Variants in TREM1 observed in about 807,000 individuals in gnomAD.
TREM1 encodes the protein triggering receptor expressed on myeloid cells 1.
In TREM1, 16 loss-of-function variants were observed where a neutral mutation model predicts 22.4. The ratio of observed to expected loss-of-function variants is 0.71; its 90% CI spans 0.48 to 1.08. The LOEUF (loss-of-function observed/expected upper bound fraction) is 1.08, where lower values mean the gene tolerates loss of function less well. Ranked by LOEUF, TREM1 falls within the 50% of genes least tolerant of loss-of-function variation. TREM1 has a pLI of 0.00. For missense variants in TREM1, 283 were observed against 282.9 expected, an observed-to-expected ratio of 1.00 and a Z score of 0.00; for synonymous variants, 110 against 111.6, an observed-to-expected ratio of 0.99 and a Z score of 0.09.
intron 3 of TREM1, among the ~76,000 whole-genome samples, chr6:41,277,000 G>A (rs910916694): frequency 6.6e-6 from 1 of 151,936 alleles, no homozygotes; most frequent in African/African-American, 2.4e-5. Context: ...ACATGGTAAC[G>A]GTGTAGGCTT....
chr6:41,281,502 TG>T, intron 2 of TREM1: 1 of 271,148 alleles, frequency 3.7e-6, no homozygotes, highest in Non-Finnish European at 7.0e-6. Context: ...CACCAATTCT[TG>T]TGCCCCAACC....
At chr6:41,286,098 G>A (rs1014622923) in intron 1 of TREM1, among the ~76,000 whole-genome samples, 3 of 152,156 alleles carry the variant, frequency 2.0e-5, no homozygotes, top group South Asian at 2.1e-4. Flanking sequence ...CAACCCCAGC[G>A]TGCCATGGAG....
At chr6:41,283,938 T>C (rs545091134) in intron 1 of TREM1, among the ~76,000 whole-genome samples, 6 of 151,352 alleles carry the variant, frequency 4.0e-5, no homozygotes, top group African/African-American at 1.5e-4. Flanking sequence ...TGCCCGAGAA[T>C]GGCTAAACAG....
Position 41,276,025 on chromosome 6 carries a change from G to A in TREM1, c.*100C>T, listed in dbSNP as rs147002802. On this transcript the variant is annotated 3_prime_UTR_variant, in exon 4 of 4. Coordinates refer to ENST00000244709, the MANE Select transcript of TREM1 (RefSeq NM_018643.5). Reference sequence around the variant, plus strand: ...GCCGGTGATTACAGATTTAATTCATGTTATTAACTCCCTGCCTTTTACCTC... The same window carrying A: ...GCCGGTGATTACAGATTTAATTCATATTATTAACTCCCTGCCTTTTACCTC... 4.4e-4 allele frequency: 376 copies of A among 849,512 alleles called. No homozygotes were observed. The highest frequency in any genetic ancestry group is 6.9e-4 in the Non-Finnish European group (343 of 499,968). The allele number at this position is 849,512 out of a possible 1,614,324, so 52.6% of individuals were successfully genotyped here. A position where few individuals can be genotyped will look rare whatever the true frequency, so the allele number is the denominator to read the frequency against.
intron 3 of TREM1, chr6:41,279,513 G>C (rs1420421867): frequency 1.0e-6 from 1 of 983,060 alleles, no homozygotes; most frequent in Non-Finnish European, 1.2e-6. Flanking sequence ...TGAAAGTAGA[G>C]GAAAAAAAAA....
In TREM1 at chr6:41,275,184, C is replaced by G. The variant is rs1299164501; in HGVS notation, c.*941G>C. ...GAGGAGGGCAGAGTGGGGAACTAGG[C>G]AAGCACATGGGGACAGCCTCCAGAA... On this transcript the variant is annotated 3_prime_UTR_variant, in exon 4 of 4. Transcript: ENST00000244709. 2.6e-5 allele frequency: 4 copies of G among 152,388 alleles called. No individual in the cohort carries two copies. The highest frequency in any genetic ancestry group is 5.9e-5 in the Non-Finnish European group (4 of 68,284). The allele number at this position is 152,388 out of a possible 1,614,324, so 9.4% of individuals were successfully genotyped here. A position where few individuals can be genotyped will look rare whatever the true frequency, so the allele number is the denominator to read the frequency against.
intron 1 of TREM1, among the ~76,000 whole-genome samples, chr6:41,284,704 G>A (rs1319910085): frequency 1.3e-5 from 2 of 152,126 alleles, no homozygotes; most frequent in Non-Finnish European, 2.9e-5. Context: ...AAAATGACAA[G>A]TGCTTACCCT....
At chr6:41,286,345 A>G (rs1011316731) in intron 1 of TREM1, among the ~76,000 whole-genome samples, 13 of 152,190 alleles carry the variant, frequency 8.5e-5, no homozygotes, top group African/African-American at 1.4e-4. Context: ...GATCTACTCT[A>G]TCATTATTCC....
At position 41,279,631 on chromosome 6, in the gene TREM1, G is replaced by A. The variant is rs934110604; in HGVS notation, c.599+1330C>T. ...AAAAAGGCACTGCCACTACCCATAT[G>A]GAGGTGGAGTCTACACTCATAGAGA... is the stretch of plus-strand genomic sequence containing the variant. On this transcript the variant is annotated intron_variant, in intron 3 of 3. Coordinates refer to ENST00000244709, the MANE Select transcript of TREM1 (RefSeq NM_018643.5). 9.1e-6 allele frequency: 9 copies of A among 985,254 alleles called. No individual in the cohort carries two copies. The African/African-American group carries it at 1.0e-4, about 11-fold the overall frequency. 61.0% of individuals were successfully genotyped at this position (985,254 alleles called of 1,614,324 possible). A position where few individuals can be genotyped will look rare whatever the true frequency, so the allele number is the denominator to read the frequency against.
At chr6:41,278,519 A>G (rs536878114) in intron 3 of TREM1, among the ~76,000 whole-genome samples, 5 of 151,824 alleles carry the variant, frequency 3.3e-5, no homozygotes, top group Non-Finnish European at 5.9e-5. Context: ...AAAATAATAA[A>G]AAGTATTAGC....
downstream of TREM1, among the ~76,000 whole-genome samples, chr6:41,269,671 C>G (rs1040861752): frequency 8.6e-5 from 13 of 152,040 alleles, no homozygotes; most frequent in Non-Finnish European, 1.8e-4. Context: ...AAACAGAGGC[C>G]CAGAGAGAAG....
chr6:41,282,264 G>C, intron 2 of TREM1, 131 bp downstream of exon 2: 1 of 714,240 alleles, frequency 1.4e-6, no homozygotes, highest in South Asian at 1.8e-5. Flanking sequence ...CTGGACCTTA[G>C]ATGAGAGATA....
downstream of TREM1, among the ~76,000 whole-genome samples, chr6:41,269,420 T>C (rs1384507509): frequency 2.0e-5 from 3 of 152,148 alleles, no homozygotes; most frequent in Non-Finnish European, 4.4e-5. Flanking sequence ...ATCAGATGGG[T>C]TCCTGTAAGT....
chr6:41,281,655 C>T (rs1767925452), intron 2 of TREM1: 1 of 160,380 alleles, frequency 6.2e-6, no homozygotes. Context: ...TCCCCAGGTG[C>T]TGGGAACTTG....
chr6:41,283,974 GA>G (rs1472335083), intron 1 of TREM1, among the ~76,000 whole-genome samples: 1 of 152,172 alleles, frequency 6.6e-6, no homozygotes, highest in Non-Finnish European at 1.5e-5. Context: ...GAGGAAGGAA[GA>G]GGGGGATAGT....
downstream of TREM1, among the ~76,000 whole-genome samples, chr6:41,270,446 A>AAT (rs68021402): frequency 0.012 from 1,753 of 143,162 alleles, 13 homozygotes; most frequent in South Asian, 0.021. Flanking sequence ...GATATTATAT[A>AAT]ATATATATAT....
intron 1 of TREM1, 133 bp from the exon 2 acceptor site, chr6:41,282,884 A>G: frequency 1.3e-6 from 1 of 798,776 alleles, no homozygotes; most frequent in East Asian, 2.4e-5. Context: ...AGGCCTCCAG[A>G]GAAAATACAA....
Position 41,280,026 on chromosome 6 carries a change from T to C in TREM1, c.599+935A>G, listed in dbSNP as rs6940092. ...CAATTGATAGAAAAATATGCACTCA[T>C]TGAAATTATATTTATGAAATTTAGG... On this transcript the variant is annotated intron_variant, in intron 3 of 3. Transcript: ENST00000244709. 548,710 of 975,744 alleles carry C rather than the reference T, an allele frequency of 0.56. 156,624 individuals carry two copies. Among genetic ancestry groups the C allele is most frequent in the Middle Eastern group, 0.59 (1,124 of 1,894 alleles). The allele number at this position is 975,744 out of a possible 1,614,324, so 60.4% of individuals were successfully genotyped here. A position where few individuals can be genotyped will look rare whatever the true frequency, so the allele number is the denominator to read the frequency against.
In TREM1 at chr6:41,276,031, A is replaced by G. The variant is rs1767651485; in HGVS notation, c.*94T>C. On this transcript the variant is annotated 3_prime_UTR_variant, in exon 4 of 4. Transcript: ENST00000244709. The stretch of plus-strand genomic sequence containing the variant: ...GATTACAGATTTAATTCATGTTATT[A>G]ACTCCCTGCCTTTTACCTCCTCCCT... 2.2e-6 allele frequency: 2 copies of G among 897,670 alleles called. No homozygotes were observed. Among genetic ancestry groups the G allele is most frequent in the African/African-American group, 1.6e-5 (1 of 60,792 alleles). 55.6% of individuals were successfully genotyped at this position (897,670 alleles called of 1,614,324 possible).
Sources: allele counts gnomAD v4.1 joint callset (sites outside exome capture counted in the v4.1 genomes callset), GRCh38; gene constraint gnomAD v4.1.1; transcripts MANE v1.5; gene names NCBI Gene and HGNC (gene_info 2026-07-23, HGNC 2026-07-21).